Variants in CHCHD3 observed in about 807,000 individuals in gnomAD.
CHCHD3 encodes coiled-coil-helix-coiled-coil-helix domain containing 3, also known as MICOS complex subunit MIC19.
A neutral mutation model predicts 38.2 loss-of-function variants in CHCHD3; 20 were observed. The observed-to-expected ratio is 0.52, with a 90% CI of 0.37 to 0.76. CHCHD3 has a LOEUF of 0.76. Ranked by LOEUF, CHCHD3 falls within the 30% of genes least tolerant of loss-of-function variation. The pLI is 0.00. For synonymous variants in CHCHD3, 82 were observed against 100.0 expected (o/e 0.82, Z 1.07); for missense variants, 245 against 279.2 (o/e 0.88, Z 0.87).
At chr7:132,955,859 T>G (rs550419835) in intron 4 of CHCHD3, among the ~76,000 whole-genome samples, 1 of 152,134 alleles carries the variant, frequency 6.6e-6, no homozygotes, top group Middle Eastern at 3.2e-3. Flanking sequence ...GCTGACTGAA[T>G]AGGATCATTG....
intron 4 of CHCHD3, among the ~76,000 whole-genome samples, chr7:132,889,083 C>G (rs545165416): frequency 6.6e-6 from 1 of 151,976 alleles, no homozygotes; most frequent in Non-Finnish European, 1.5e-5. Flanking sequence ...TTACACTTGA[C>G]TATGAGATGG....
intron 5 of CHCHD3, among the ~76,000 whole-genome samples, chr7:132,840,602 G>A (rs1338897691): frequency 6.6e-6 from 1 of 152,072 alleles, no homozygotes; most frequent in Non-Finnish European, 1.5e-5. Flanking sequence ...GCTTATTTCT[G>A]CCAAAGCTGT....
At chr7:132,835,719 T>C (rs545533982) in intron 6 of CHCHD3, among the ~76,000 whole-genome samples, 2 of 152,286 alleles carry the variant, frequency 1.3e-5, no homozygotes, top group East Asian at 3.9e-4. Flanking sequence ...TTTATCTAAA[T>C]GTTAGGGGAT....
chr7:133,013,275 G>A (rs1484806394), intron 3 of CHCHD3, among the ~76,000 whole-genome samples: 2 of 150,024 alleles, frequency 1.3e-5, no homozygotes, highest in Admixed American at 1.3e-4. Flanking sequence ...CTGAAACACA[G>A]TCTGATCGAG....
chr7:132,864,761 G>A lies in CHCHD3; in HGVS notation c.453+20901C>T, dbSNP rs537450497. Among the ~76,000 whole-genome samples the A allele has an allele frequency of 3.9e-4, 60 of 152,188 alleles. 1 individual carries two copies. The highest frequency in any genetic ancestry group is 1.3e-3 in the African/African-American group (54 of 41,528). On this transcript the variant is annotated intron_variant, in intron 5 of 7. Coordinates refer to ENST00000262570, the MANE Select transcript of CHCHD3 (RefSeq NM_017812.4). ...CCATCCTCTTTCCATGCCGAGATATGTACCAATTTTTTAAAAAAATAAATG... is the reference window on the plus strand; with the variant it reads ...CCATCCTCTTTCCATGCCGAGATATATACCAATTTTTTAAAAAAATAAATG...
intron 3 of CHCHD3, among the ~76,000 whole-genome samples, chr7:133,010,607 T>C (rs952282429): frequency 6.6e-6 from 1 of 152,144 alleles, no homozygotes; most frequent in African/African-American, 2.4e-5. Context: ...AGACAGGGTC[T>C]CACTCTTGTC....
intron 3 of CHCHD3, among the ~76,000 whole-genome samples, chr7:132,992,376 A>C (rs1023740945): frequency 6.6e-6 from 1 of 152,164 alleles, no homozygotes; most frequent in African/African-American, 2.4e-5. Flanking sequence ...GCAGTCTACC[A>C]GCTAGGAAAT....
At chr7:132,881,719 T>C (rs569952850) in intron 5 of CHCHD3, among the ~76,000 whole-genome samples, 21 of 152,310 alleles carry the variant, frequency 1.4e-4, no homozygotes, top group African/African-American at 4.8e-4. Context: ...ATATTAATAT[T>C]AGAATCATTT....
chr7:133,034,508 CTT>C (rs146912120), intron 2 of CHCHD3: 6,495 of 282,784 alleles, frequency 0.023, 152 homozygotes, highest in African/African-American at 0.14. Context: ...TGGATCCAGT[CTT>C]TTTTTTTTTT....
At chr7:133,073,522 A>G (rs114559565) in intron 1 of CHCHD3, among the ~76,000 whole-genome samples, 1 of 152,052 alleles carries the variant, frequency 6.6e-6, no homozygotes. Flanking sequence ...CGTTTGCCGC[A>G]TATCTCCTCT....
At chr7:133,055,530 TTTAA>T (rs1419428390) in intron 2 of CHCHD3, among the ~76,000 whole-genome samples, 1 of 146,700 alleles carries the variant, frequency 6.8e-6, no homozygotes, top group Non-Finnish European at 1.5e-5. Context: ...TTGTTACATA[TTTAA>T]TTATAATTGT....
At chr7:133,047,918 G>A (rs576035555) in intron 2 of CHCHD3, among the ~76,000 whole-genome samples, 22 of 152,128 alleles carry the variant, frequency 1.4e-4, no homozygotes, top group Middle Eastern at 6.8e-3. Context: ...AGAAACTTCC[G>A]TCTCTACTAA....
At chr7:132,900,612 A>C (rs1226615466) in intron 4 of CHCHD3, among the ~76,000 whole-genome samples, 3 of 152,236 alleles carry the variant, frequency 2.0e-5, no homozygotes, top group African/African-American at 7.2e-5. Context: ...CTGGACTCAA[A>C]AGAATAATTT....
chr7:132,832,338 G>A (rs1177248400), intron 6 of CHCHD3, among the ~76,000 whole-genome samples: 1 of 152,074 alleles, frequency 6.6e-6, no homozygotes, highest in Non-Finnish European at 1.5e-5. Context: ...CTAAAATCTG[G>A]CACACAAAGG....
At chr7:133,009,870 G>A (rs1187211215) in intron 3 of CHCHD3, among the ~76,000 whole-genome samples, 1 of 152,156 alleles carries the variant, frequency 6.6e-6, no homozygotes, top group East Asian at 1.9e-4. Flanking sequence ...TACTCTGAAA[G>A]CTTAGATGAT....
At chr7:132,824,314 CT>C (rs57262694) in intron 6 of CHCHD3, among the ~76,000 whole-genome samples, 3,366 of 90,034 alleles carry the variant, frequency 0.037, 103 homozygotes, top group East Asian at 0.17. Context: ...TAGTAGAACT[CT>C]TTTTTTTTTT....
chr7:132,966,654 C>A (rs1811470936), intron 4 of CHCHD3, among the ~76,000 whole-genome samples: 1 of 152,170 alleles, frequency 6.6e-6, no homozygotes, highest in African/African-American at 2.4e-5. Flanking sequence ...GAAAACAAGT[C>A]ACAAGAACTG....
At chr7:132,827,815 T>C (rs1266354519) in intron 6 of CHCHD3, among the ~76,000 whole-genome samples, 1 of 152,196 alleles carries the variant, frequency 6.6e-6, no homozygotes, top group African/African-American at 2.4e-5. Context: ...TGTACCATGA[T>C]GTTTGAGATC....
chr7:132,921,737 A>G (rs938145232), intron 4 of CHCHD3, among the ~76,000 whole-genome samples: 2 of 152,226 alleles, frequency 1.3e-5, no homozygotes, highest in African/African-American at 4.8e-5. Flanking sequence ...GCATTTTTCC[A>G]TTAGAAAATG....
Sources: gnomAD v4.1 joint callset for allele counts (sites outside exome capture counted in the v4.1 genomes callset) on GRCh38, gnomAD v4.1.1 for gene constraint, MANE v1.5 for transcripts, NCBI Gene and HGNC (gene_info 2026-07-23, HGNC 2026-07-21) for gene names.